FCRL4: variants seen among roughly 807,000 people sequenced by gnomAD.
The protein encoded by FCRL4 is Fc receptor like 4.
FCRL4 carries 43 observed loss-of-function variants against 64.1 expected under a neutral mutation model. That is an observed-to-expected ratio of 0.67 (90% confidence interval 0.53 to 0.87). The LOEUF (loss-of-function observed/expected upper bound fraction) is 0.87, where lower values mean the gene tolerates loss of function less well. Among genes scored for constraint, FCRL4 ranks in the 40% least tolerant of loss-of-function variants. The probability of loss-of-function intolerance (pLI) is 0.00; values close to 1 mark genes in which losing one functional copy is unlikely to be tolerated. For synonymous variants in FCRL4, 253 were observed against 239.8 expected, an observed-to-expected ratio of 1.05 and a Z score of -0.51; for missense variants, 656 against 613.5, an observed-to-expected ratio of 1.07 and a Z score of -0.73.
intron 5 of FCRL4, among the ~76,000 whole-genome samples, chr1:157,587,001 TC>T (rs202059835): frequency 0.022 from 3,296 of 152,334 alleles, 54 homozygotes; most frequent in Middle Eastern, 0.048. Context: ...CACCTCATTT[TC>T]TTGTTTTGTT....
At chr1:157,586,131 C>G in intron 6 of FCRL4, 37 bp downstream of exon 6, 1 of 1,551,828 alleles carries the variant, frequency 6.4e-7, no homozygotes. Flanking sequence ...AGGAAGTTTG[C>G]TGAGAATAAA....
chr1:157,585,875 T>C (rs561734569), intron 6 of FCRL4, among the ~76,000 whole-genome samples: 1 of 151,906 alleles, frequency 6.6e-6, no homozygotes, highest in African/African-American at 2.4e-5. Context: ...CCAGAAACAC[T>C]GCTAATGAAG....
intron 3 of FCRL4, 126 bp downstream of exon 3, chr1:157,589,078 T>G (rs1249324132): frequency 8.4e-6 from 9 of 1,077,622 alleles, no homozygotes; most frequent in Non-Finnish European, 1.2e-5. Flanking sequence ...AGGGAAAATA[T>G]GAAACTAAAG....
intron 6 of FCRL4, among the ~76,000 whole-genome samples, chr1:157,585,346 C>CTCTCTTTCTTTG (rs1558154983): frequency 3.3e-5 from 1 of 29,968 alleles, no homozygotes; most frequent in East Asian, 9.9e-4. Context: ...TTCTCTCTCT[C>CTCTCTTTCTTTG]TTTCTTTCTT....
At chr1:157,586,565 C>T in intron 5 of FCRL4, 110 bp from the exon 6 acceptor site, 3 of 910,622 alleles carry the variant, frequency 3.3e-6, no homozygotes, top group Non-Finnish European at 5.0e-6. Context: ...ATATACTCTT[C>T]AGCAGGCACT....
chr1:157,575,247 C>A lies in FCRL4; in HGVS notation c.*277G>T, dbSNP rs2101672388. 1 of 467,928 alleles carries A rather than the reference C, an allele frequency of 2.1e-6. No individual in the cohort carries two copies. The highest frequency in any genetic ancestry group is 3.9e-6 in the Non-Finnish European group (1 of 256,254). 29.0% of individuals were successfully genotyped at this position (467,928 alleles called of 1,614,324 possible). On this transcript the variant is annotated 3_prime_UTR_variant, in exon 12 of 12. Coordinates refer to ENST00000271532, the MANE Select transcript of FCRL4 (RefSeq NM_031282.3). ...TTTATCCCCCTTCTCTAAAGCAGAC[C>A]CTAGGGAATACATTAGGTCAGGCCC...
intron 6 of FCRL4, among the ~76,000 whole-genome samples, chr1:157,585,397 TCTTTC>T (rs1652665971): frequency 7.0e-6 from 1 of 142,210 alleles, no homozygotes; most frequent in Non-Finnish European, 1.5e-5. Context: ...TTTCTTTCCT[TCTTTC>T]TTTCTTTCTT....
rs1485263362 is a variant in FCRL4, at chr1:157,593,331, C to T, written c.52+2997G>A. 2.6e-5 allele frequency among the ~76,000 whole-genome samples: 4 copies of T among 152,162 alleles called. No individual in the cohort carries two copies. In the East Asian group the frequency reaches 5.8e-4, roughly 22 times the overall value. ...CAAACATCTAGAGAGATAGTTCCTC[C>T]GTCTCTCTCAGTTCCTGTGGGAGAG... On this transcript the variant is annotated intron_variant, in intron 2 of 11. Transcript: ENST00000271532.
Position 157,590,977 on chromosome 1 carries a change from G to A in FCRL4, c.53-1519C>T, listed in dbSNP as rs950690198. 5.3e-5 allele frequency among the ~76,000 whole-genome samples: 8 copies of A among 152,152 alleles called. No homozygotes were observed. The South Asian group carries it at 1.2e-3, about 24-fold the overall frequency. On this transcript the variant is annotated intron_variant, in intron 2 of 11. Coordinates refer to ENST00000271532, the MANE Select transcript of FCRL4 (RefSeq NM_031282.3). ...CTACAAATTTATTAACATGTACAAG[G>A]AAGAATTACAGAGTGGTTCCCCAAA...
chr1:157,592,548 G>A (rs894794342), intron 2 of FCRL4, among the ~76,000 whole-genome samples: 9 of 152,284 alleles, frequency 5.9e-5, no homozygotes, highest in African/African-American at 1.7e-4. Flanking sequence ...ACCATCTCAT[G>A]CCAGTTAGAA....
In FCRL4 at chr1:157,589,207, A is replaced by C. The variant is rs774957218; in HGVS notation, c.304T>G (p.Ser102Ala). 1 of 1,611,832 alleles carries C rather than the reference A, an allele frequency of 6.2e-7. No homozygotes were observed. The highest frequency in any genetic ancestry group is 8.5e-7 in the Non-Finnish European group (1 of 1,178,300). ...ACTAATTCACCTTCTTTCTCACCTGAAGAAAAGAGCAAGCGCACAGGGTTA... is the reference window on the plus strand; with the variant it reads ...ACTAATTCACCTTCTTTCTCACCTGCAGAAAAGAGCAAGCGCACAGGGTTA... ...RSNPVRLLFS[S>A]DSLILQAPYS... The change falls in exon 3 of 12, where the codon TCA becomes GCA. Residue 102 changes from serine to alanine, a missense_variant. By Grantham distance (99) the Ser-to-Ala change is moderately conservative. Transcript: ENST00000271532.
At chr1:157,585,399 T>TTTCTTTC in intron 6 of FCRL4, among the ~76,000 whole-genome samples, 2 of 137,656 alleles carry the variant, frequency 1.5e-5, no homozygotes, top group African/African-American at 5.9e-5. Flanking sequence ...TCTTTCCTTC[T>TTTCTTTC]TTCTTTCTTT....
intron 4 of FCRL4, 58 bp from the exon 5 acceptor site, chr1:157,587,618 G>A: frequency 3.2e-6 from 5 of 1,550,066 alleles, no homozygotes; most frequent in Non-Finnish European, 3.5e-6. Flanking sequence ...CTCTGTGAGA[G>A]ACAGGTTTGG....
At chr1:157,591,670 C>T (rs1312232434) in intron 2 of FCRL4, among the ~76,000 whole-genome samples, 1 of 152,166 alleles carries the variant, frequency 6.6e-6, no homozygotes, top group Non-Finnish European at 1.5e-5. Context: ...CAGTAAAATA[C>T]TAACCCTACA....
At chr1:157,589,112 G>T in intron 3 of FCRL4, 92 bp downstream of exon 3, 1 of 1,386,116 alleles carries the variant, frequency 7.2e-7, no homozygotes, top group Non-Finnish European at 9.9e-7. Context: ...GGGTTAGAGA[G>T]GAATGAAAGA....
chr1:157,579,618 G>A (rs1652505633), intron 8 of FCRL4, among the ~76,000 whole-genome samples: 1 of 151,980 alleles, frequency 6.6e-6, no homozygotes, highest in Admixed American at 6.6e-5. Flanking sequence ...TTTGGAAGCT[G>A]AGGCACAAGA....
At chr1:157,597,789 T>C (rs574664254) in intron 1 of FCRL4, 125 bp downstream of exon 1, 1 of 645,694 alleles carries the variant, frequency 1.5e-6, no homozygotes, top group African/African-American at 1.8e-5. Flanking sequence ...TCTTTCCTTT[T>C]TGTTCATTTT....
chr1:157,596,249 A>T (rs889340270), intron 2 of FCRL4, 79 bp downstream of exon 2: 2 of 1,441,946 alleles, frequency 1.4e-6, no homozygotes, highest in African/African-American at 1.4e-5. Flanking sequence ...GACAACAGGG[A>T]CTCTTGTAAG....
rs1256125270 is a variant in FCRL4, at chr1:157,597,897, T to C, written c.31+17A>G. On this transcript the variant is annotated intron_variant, in intron 1 of 11. Transcript: ENST00000271532. ...CTCAGCTTTGCAGCAAGCAAAGGTCTCCTCCCCATCACTTACCAAAGGCCA... is the reference window on the plus strand; with the variant it reads ...CTCAGCTTTGCAGCAAGCAAAGGTCCCCTCCCCATCACTTACCAAAGGCCA... 17 of 1,611,090 alleles carry C rather than the reference T, an allele frequency of 1.1e-5. No individual in the cohort carries two copies. Among genetic ancestry groups the C allele is most frequent in the Admixed American group, 1.0e-4 (6 of 59,896 alleles).
Sources: allele counts gnomAD v4.1 joint callset (sites outside exome capture counted in the v4.1 genomes callset), GRCh38; gene constraint gnomAD v4.1.1; transcripts MANE v1.5; gene names NCBI Gene and HGNC (gene_info 2026-07-23, HGNC 2026-07-21).